The following PARD3B variants were observed in gnomAD, a reference collection of about 807,000 sequenced individuals.
PARD3B encodes the protein partitioning defective 3 homolog B.
PARD3B carries 103 observed loss-of-function variants against 130.2 expected under a neutral mutation model. That is an observed-to-expected ratio of 0.79 (90% CI 0.67 to 0.93). The LOEUF (loss-of-function observed/expected upper bound fraction) is 0.93, where lower values mean the gene tolerates loss of function less well. Among genes scored for constraint, PARD3B ranks in the 40% least tolerant of loss-of-function variants. PARD3B has a pLI of 0.00. For missense variants in PARD3B, 1,609 were observed against 1,499.2 expected, an observed-to-expected ratio of 1.07 and a Z score of -1.21; for synonymous variants, 583 against 553.2, an observed-to-expected ratio of 1.05 and a Z score of -0.76.
intron 4 of PARD3B, among the ~76,000 whole-genome samples, chr2:205,057,574 T>C (rs941959445): frequency 7.1e-6 from 1 of 141,710 alleles, no homozygotes; most frequent in African/African-American, 2.6e-5. Flanking sequence ...TATATGTATA[T>C]GTGTATGTGT....
chr2:204,614,953 C>T (rs906151721), intron 1 of PARD3B, among the ~76,000 whole-genome samples: 62 of 152,002 alleles, frequency 4.1e-4, no homozygotes, highest in African/African-American at 9.7e-4. Flanking sequence ...AATGCAAGAA[C>T]GGCCTAATAC....
Position 205,120,167 on chromosome 2 carries a change from A to T in PARD3B, c.806+1121A>T, listed in dbSNP as rs975212101. Among the ~76,000 whole-genome samples the T allele has an allele frequency of 2.0e-5, 3 of 152,216 alleles. No homozygotes were observed. In the East Asian group the frequency reaches 5.8e-4, roughly 29 times the overall value. On this transcript the variant is annotated intron_variant, in intron 7 of 22. Transcript: ENST00000406610. The stretch of plus-strand genomic sequence containing the variant: ...ATTGTGTTAAAATAATGAATGATAG[A>T]CAAAACTATAGTTAGTAATAATTTT...
At chr2:205,607,630 T>C (rs568535021) in intron 22 of PARD3B, among the ~76,000 whole-genome samples, 1 of 152,364 alleles carries the variant, frequency 6.6e-6, no homozygotes, top group South Asian at 2.1e-4. Flanking sequence ...GGGAACATGC[T>C]GCTGTGCTCA....
intron 2 of PARD3B, among the ~76,000 whole-genome samples, chr2:204,926,046 C>T (rs371341551): frequency 1.3e-5 from 2 of 152,058 alleles, no homozygotes; most frequent in East Asian, 1.9e-4. Flanking sequence ...ATAAATTACC[C>T]AGTCTTGGGT....
chr2:205,151,038 A>G (rs1306431029), intron 10 of PARD3B, among the ~76,000 whole-genome samples: 1 of 152,236 alleles, frequency 6.6e-6, no homozygotes, highest in Non-Finnish European at 1.5e-5. Flanking sequence ...ATATAAGGTA[A>G]TGCATATGTT....
In PARD3B at chr2:205,078,986, T is replaced by A. The variant is rs922701167; in HGVS notation, c.505-25440T>A. On this transcript the variant is annotated intron_variant, in intron 4 of 22. Coordinates refer to ENST00000406610, the MANE Select transcript of PARD3B (RefSeq NM_001302769.2). The surrounding 1 kb of genome is among the most constrained non-coding windows in gnomAD (Gnocchi z 4.0). ...GTGGAGCCTTGGCAGCAGCCGACTCTACATCTGACTGCAGCCTTGTGAGAG... is the reference window on the plus strand; with the variant it reads ...GTGGAGCCTTGGCAGCAGCCGACTCAACATCTGACTGCAGCCTTGTGAGAG... Among the ~76,000 whole-genome samples, 4 of 152,242 alleles carry A rather than the reference T, an allele frequency of 2.6e-5. No homozygotes were observed. Among genetic ancestry groups the A allele is most frequent in the Non-Finnish European group, 4.4e-5 (3 of 68,042 alleles).
rs544274386 is a variant in PARD3B at position 204,551,491 on chromosome 2, A to G, written c.120+5372A>G. Reference sequence around the variant, plus strand: ...CTTATGGCCTTAATTCATGGTTGCTATTTGGCCTGCTGGTGGGCATTTGAG... The same window carrying G: ...CTTATGGCCTTAATTCATGGTTGCTGTTTGGCCTGCTGGTGGGCATTTGAG... On this transcript the variant is annotated intron_variant, in intron 1 of 22. Coordinates refer to ENST00000406610, the MANE Select transcript of PARD3B (RefSeq NM_001302769.2). Among the ~76,000 whole-genome samples the G allele has an allele frequency of 5.9e-4, 89 of 152,082 alleles. 2 individuals are homozygous for G. The highest frequency in any genetic ancestry group is 2.0e-3 in the African/African-American group (83 of 41,486).
At chr2:204,915,602 T>C (rs1434001871) in intron 2 of PARD3B, among the ~76,000 whole-genome samples, 1 of 152,148 alleles carries the variant, frequency 6.6e-6, no homozygotes, top group East Asian at 1.9e-4. Context: ...ACTTTCACCA[T>C]GGAAAAAACC....
chr2:204,989,250 A>G (rs796770493), intron 3 of PARD3B, among the ~76,000 whole-genome samples: 22 of 152,248 alleles, frequency 1.4e-4, no homozygotes, highest in African/African-American at 5.3e-4. Flanking sequence ...CTAGGATTGC[A>G]TGCTCAGGAA....
At position 204,606,650 on chromosome 2, in the gene PARD3B, C is replaced by G. The variant is rs2033735194; in HGVS notation, c.120+60531C>G. Among the ~76,000 whole-genome samples the G allele has an allele frequency of 6.6e-6, 1 of 152,094 alleles. No homozygotes were observed. The highest frequency in any genetic ancestry group is 1.5e-5 in the Non-Finnish European group (1 of 68,028). On this transcript the variant is annotated intron_variant, in intron 1 of 22. Transcript: ENST00000406610. The surrounding 1 kb of genome is among the most constrained non-coding windows in gnomAD (Gnocchi z 4.0). ...AGAATCAACCATTTATGAAGAAGCT[C>G]CAGTGGCTACCACAGATGACGCACT...
At chr2:204,998,350 A>G (rs866771063) in intron 3 of PARD3B, among the ~76,000 whole-genome samples, 5 of 77,812 alleles carry the variant, frequency 6.4e-5, no homozygotes, top group African/African-American at 1.3e-4. Context: ...ATATATATAT[A>G]TATATATATG....
At chr2:204,626,269 G>A (rs1443624947) in intron 1 of PARD3B, among the ~76,000 whole-genome samples, 2 of 152,006 alleles carry the variant, frequency 1.3e-5, no homozygotes, top group Non-Finnish European at 2.9e-5. Context: ...TTTCTGTGTG[G>A]TACTCTTTTC....
Position 205,491,009 on chromosome 2 carries a change from C to CAT in PARD3B, c.3045-8887_3045-8886insAT, listed in dbSNP as rs1193533796. On this transcript the variant is annotated intron_variant, in intron 20 of 22. Transcript: ENST00000406610. The stretch of plus-strand genomic sequence containing the variant: ...TCATTGTAGATTCTGGATATTAGAC[C>CAT]TTTGTCAGATGAGTAGATTGCAAAA... 1.6e-4 allele frequency among the ~76,000 whole-genome samples: 24 copies of CAT among 152,132 alleles called. No homozygotes were observed. The East Asian group carries it at 4.4e-3, about 28-fold the overall frequency.
At position 205,559,845 on chromosome 2, in the gene PARD3B, C is replaced by T. The variant is rs568765804; in HGVS notation, c.3260+6442C>T. 7.2e-5 allele frequency among the ~76,000 whole-genome samples: 11 copies of T among 151,870 alleles called. No individual in the cohort carries two copies. In the South Asian group the frequency reaches 1.5e-3, roughly 20 times the overall value. On this transcript the variant is annotated intron_variant, in intron 22 of 22. Transcript: ENST00000406610. ...AACTTCTGACCTCAAGTGATCCACC[C>T]GTCTTGGCCTCCCAAAGTGCTAGGA... is the stretch of plus-strand genomic sequence containing the variant.
At chr2:204,701,318 A>G (rs1476286594) in intron 2 of PARD3B, among the ~76,000 whole-genome samples, 1 of 152,172 alleles carries the variant, frequency 6.6e-6, no homozygotes, top group African/African-American at 2.4e-5. Flanking sequence ...TTTTAGGAAA[A>G]GGACTTTTAA....
intron 3 of PARD3B, among the ~76,000 whole-genome samples, chr2:204,987,427 T>A (rs2125229782): frequency 1.3e-5 from 2 of 152,328 alleles, no homozygotes; most frequent in Admixed American, 1.3e-4. Context: ...GGTATTACCT[T>A]TGTCAAAGAA....
intron 4 of PARD3B, among the ~76,000 whole-genome samples, chr2:205,102,029 G>A (rs1347204729): frequency 6.6e-6 from 1 of 151,978 alleles, no homozygotes. Context: ...ATTACATATC[G>A]ATAAAGCTGT....
intron 18 of PARD3B, among the ~76,000 whole-genome samples, chr2:205,302,984 G>T (rs1231961701): frequency 6.6e-6 from 1 of 152,020 alleles, no homozygotes; most frequent in East Asian, 1.9e-4. Context: ...AAACAGCTTT[G>T]TTTCTTCTCT....
At chr2:205,571,422 T>G (rs2053557241) in intron 22 of PARD3B, among the ~76,000 whole-genome samples, 1 of 152,232 alleles carries the variant, frequency 6.6e-6, no homozygotes, top group South Asian at 2.1e-4. Context: ...AAAGGCATTC[T>G]TACTTAAGAA....
Sources: allele counts gnomAD v4.1 joint callset (sites outside exome capture counted in the v4.1 genomes callset), GRCh38; gene constraint gnomAD v4.1.1; non-coding constraint Gnocchi (gnomAD v3.1); transcripts MANE v1.5; gene names NCBI Gene and HGNC (gene_info 2026-07-23, HGNC 2026-07-21).